OSBPL3: variants seen among roughly 807,000 people sequenced by gnomAD.
The protein encoded by OSBPL3 is oxysterol binding protein like 3, also known as oxysterol-binding protein-related protein 3.
OSBPL3 carries 65 observed loss-of-function variants against 120.1 expected under a neutral mutation model. The ratio of observed to expected loss-of-function variants is 0.54; its 90% confidence interval spans 0.44 to 0.67. OSBPL3 has a LOEUF of 0.67. Ranked by LOEUF, OSBPL3 falls within the 30% of genes least tolerant of loss-of-function variation. The pLI, the probability that OSBPL3 is intolerant of heterozygous loss-of-function variation, is 0.00. For missense variants in OSBPL3, 1,004 were observed against 1,082.1 expected (o/e 0.93, Z 1.01); for synonymous variants, 416 against 402.6 (o/e 1.03, Z -0.40).
intron 1 of OSBPL3, among the ~76,000 whole-genome samples, chr7:24,897,896 T>C (rs1486425861): frequency 6.6e-6 from 1 of 152,212 alleles, no homozygotes; most frequent in Non-Finnish European, 1.5e-5. Flanking sequence ...CACTTGGCCA[T>C]GTTTTGCTTG....
chr7:24,972,573 C>A lies in OSBPL3; in HGVS notation c.-150+7313G>T, dbSNP rs6974022. ...GTTCAATTCATCGCCACATCCCCTG[C>A]ACCCAGCCTGGTGTCTGGCACATGG... On this transcript the variant is annotated intron_variant, in intron 1 of 22. Coordinates refer to ENST00000313367, the MANE Select transcript of OSBPL3 (RefSeq NM_015550.4). This position sits in a 1 kb window ranked among gnomAD's most constrained non-coding sequence, Gnocchi z 4.3. Among the ~76,000 whole-genome samples the A allele has an allele frequency of 3.9e-3, 591 of 152,360 alleles. 1 individual carries two copies. Among genetic ancestry groups the A allele is most frequent in the African/African-American group, 0.013 (532 of 41,586 alleles).
At position 24,796,696 on chromosome 7, in the gene OSBPL3, A is replaced by T. The variant is rs913553277; in HGVS notation, c.*3487T>A. 6 of 152,230 alleles carry T rather than the reference A, an allele frequency of 3.9e-5. No individual in the cohort carries two copies. Among genetic ancestry groups the T allele is most frequent in the Non-Finnish European group, 7.3e-5 (5 of 68,050 alleles). 9.4% of individuals were successfully genotyped at this position (152,230 alleles called of 1,614,324 possible). A position where few individuals can be genotyped will look rare whatever the true frequency, so the allele number is the denominator to read the frequency against. On this transcript the variant is annotated 3_prime_UTR_variant, in exon 23 of 23. Coordinates refer to ENST00000313367, the MANE Select transcript of OSBPL3 (RefSeq NM_015550.4). This position sits in a 1 kb window ranked among gnomAD's most constrained non-coding sequence, Gnocchi z 5.2. ...AGTGGAAGATTTACAAATATCCATTAAAAAAGTACCCTCTGGATAAAATAA... is the reference window on the plus strand; with the variant it reads ...AGTGGAAGATTTACAAATATCCATTTAAAAAGTACCCTCTGGATAAAATAA...
intron 2 of OSBPL3, among the ~76,000 whole-genome samples, chr7:24,874,391 C>G (rs1802575418): frequency 6.6e-6 from 1 of 152,216 alleles, no homozygotes; most frequent in South Asian, 2.1e-4. Context: ...TAATCATACA[C>G]ATCTGCTCAA....
rs996149073 is a variant in OSBPL3, at chr7:24,933,695, G to T, written c.-149-41074C>A. 3.9e-5 allele frequency among the ~76,000 whole-genome samples: 6 copies of T among 152,158 alleles called. No individual in the cohort carries two copies. The highest frequency in any genetic ancestry group is 1.4e-4 in the African/African-American group (6 of 41,438). ...TATCATTTATTTATCTTAAACTCCA[G>T]TTGAGGCAAGTATTTGCCTATGCTC... On this transcript the variant is annotated intron_variant, in intron 1 of 22. Coordinates refer to ENST00000313367, the MANE Select transcript of OSBPL3 (RefSeq NM_015550.4). The surrounding 1 kb of genome is among the most constrained non-coding windows in gnomAD (Gnocchi z 5.1).
chr7:24,941,864 A>T (rs529379736), intron 1 of OSBPL3, among the ~76,000 whole-genome samples: 1 of 152,164 alleles, frequency 6.6e-6, no homozygotes, highest in Non-Finnish European at 1.5e-5. Flanking sequence ...CTAAGCGCCA[A>T]CTCAACCTTC....
chr7:24,956,243 C>T (rs1012372682), intron 1 of OSBPL3, among the ~76,000 whole-genome samples: 1 of 152,282 alleles, frequency 6.6e-6, no homozygotes, highest in African/African-American at 2.4e-5. Context: ...AGGGCAAAGC[C>T]TGCCCCTGAC....
At chr7:24,929,311 G>T (rs1421834618) in intron 1 of OSBPL3, among the ~76,000 whole-genome samples, 1 of 152,166 alleles carries the variant, frequency 6.6e-6, no homozygotes. Context: ...CTGGATCAGG[G>T]TCGTTGTCGT....
rs776126798 is a variant in OSBPL3, at chr7:24,855,868, A to G, written c.1028-3234T>C. Among the ~76,000 whole-genome samples, 4 of 152,184 alleles carry G rather than the reference A, an allele frequency of 2.6e-5. No individual in the cohort carries two copies. Among genetic ancestry groups the G allele is most frequent in the Non-Finnish European group, 4.4e-5 (3 of 68,036 alleles). On this transcript the variant is annotated intron_variant, in intron 10 of 22. Coordinates refer to ENST00000313367, the MANE Select transcript of OSBPL3 (RefSeq NM_015550.4). The surrounding 1 kb of genome is among the most constrained non-coding windows in gnomAD (Gnocchi z 4.3). ...TGACAATAAATAAAGCCACACAGAAAATCTTAGATGCTCAGAGATTACCAA... is the reference window on the plus strand; with the variant it reads ...TGACAATAAATAAAGCCACACAGAAGATCTTAGATGCTCAGAGATTACCAA...
intron 6 of OSBPL3, among the ~76,000 whole-genome samples, 153 bp downstream of exon 6, chr7:24,865,917 C>T (rs1295600821): frequency 6.6e-6 from 1 of 152,130 alleles, no homozygotes; most frequent in Admixed American, 6.5e-5. Context: ...TTGGTTCTGA[C>T]TCAGTGGGCA....
chr7:24,951,209 A>G (rs1394256538), intron 1 of OSBPL3, among the ~76,000 whole-genome samples: 3 of 152,238 alleles, frequency 2.0e-5, no homozygotes, highest in Non-Finnish European at 4.4e-5. Context: ...ATCAATCAAA[A>G]TCTTATCTAA....
intron 12 of OSBPL3, among the ~76,000 whole-genome samples, chr7:24,843,441 T>C (rs1032675247): frequency 2.6e-5 from 4 of 152,162 alleles, no homozygotes; most frequent in African/African-American, 9.6e-5. Context: ...TGCTTCCACA[T>C]CATCCAGAAT....
chr7:24,954,818 G>A (rs7797902), intron 1 of OSBPL3, among the ~76,000 whole-genome samples: 2,569 of 152,280 alleles, frequency 0.017, 68 homozygotes, highest in African/African-American at 0.059. Context: ...TCATAAAGGT[G>A]GAAGACACTT....
rs1044684284 is a variant in OSBPL3 at position 24,979,868 on chromosome 7, G to A, written c.-150+18C>T. ...CCCGACACCCAGGCCCCATTTAGGC[G>A]GGCGCCCCGCCACTCACCTGAGCGC... On this transcript the variant is annotated intron_variant, in intron 1 of 22. Transcript: ENST00000313367. The A allele has an allele frequency of 1.1e-5, 10 of 878,262 alleles. No individual in the cohort carries two copies. The highest frequency in any genetic ancestry group is 7.9e-5 in the Admixed American group (1 of 12,694). The allele number at this position is 878,262 out of a possible 1,614,324, so 54.4% of individuals were successfully genotyped here. A position where few individuals can be genotyped will look rare whatever the true frequency, so the allele number is the denominator to read the frequency against.
At chr7:24,929,012 C>G (rs1015252158) in intron 1 of OSBPL3, among the ~76,000 whole-genome samples, 1 of 152,134 alleles carries the variant, frequency 6.6e-6, no homozygotes, top group Non-Finnish European at 1.5e-5. Flanking sequence ...TACAAAGAAG[C>G]AGTACGACGG....
chr7:24,905,424 G>A (rs1373189684), intron 1 of OSBPL3, among the ~76,000 whole-genome samples: 1 of 152,152 alleles, frequency 6.6e-6, no homozygotes, highest in African/African-American at 2.4e-5. Flanking sequence ...TGCCGGATGA[G>A]GGAGAGTGAG....
chr7:24,814,017 C>T (rs1306117345), intron 19 of OSBPL3, among the ~76,000 whole-genome samples: 3 of 151,988 alleles, frequency 2.0e-5, no homozygotes, highest in Non-Finnish European at 4.4e-5. Context: ...TTTCTGGAGT[C>T]AAGGATGATG....
chr7:24,928,118 G>T (rs1811294500), intron 1 of OSBPL3, among the ~76,000 whole-genome samples: 1 of 151,792 alleles, frequency 6.6e-6, no homozygotes, highest in South Asian at 2.1e-4. Context: ...TGCCATGATT[G>T]TAAGTTTCCT....
At chr7:24,944,545 A>C (rs6973097) in intron 1 of OSBPL3, among the ~76,000 whole-genome samples, 1 of 151,352 alleles carries the variant, frequency 6.6e-6, no homozygotes, top group Non-Finnish European at 1.5e-5. Context: ...CAGGAGAATC[A>C]CTTGAACCCA....
rs552211752 is a variant in OSBPL3, at chr7:24,871,027, G to A, written c.268-182C>T. 6.6e-6 allele frequency among the ~76,000 whole-genome samples: 1 copy of A among 152,332 alleles called. No homozygotes were observed. Among genetic ancestry groups the A allele is most frequent in the South Asian group, 2.1e-4 (1 of 4,826 alleles). ...TGCACTGTCTTCCTGAATCTCCGAG[G>A]TAGGAAGTACTCTCCCCATTTTACA... On this transcript the variant is annotated intron_variant, in intron 4 of 22. Coordinates refer to ENST00000313367, the MANE Select transcript of OSBPL3 (RefSeq NM_015550.4). This position sits in a 1 kb window ranked among gnomAD's most constrained non-coding sequence, Gnocchi z 4.8.
Sources: gnomAD v4.1 joint callset for allele counts (sites outside exome capture counted in the v4.1 genomes callset) on GRCh38, gnomAD v4.1.1 for gene constraint, Gnocchi (gnomAD v3.1) non-coding constraint, MANE v1.5 for transcripts, NCBI Gene and HGNC (gene_info 2026-07-23, HGNC 2026-07-21) for gene names.